Variants in LRRC31 observed in about 807,000 individuals in gnomAD.
The protein encoded by LRRC31 is leucine-rich repeat-containing protein 31.
In LRRC31, 35 loss-of-function variants were observed where a neutral mutation model predicts 46.7. The ratio of observed to expected loss-of-function variants is 0.75; its 90% CI spans 0.57 to 0.99. The LOEUF (loss-of-function observed/expected upper bound fraction) is 0.99. Among genes scored for constraint, LRRC31 ranks in the 50% least tolerant of loss-of-function variants. The probability of loss-of-function intolerance (pLI) is 0.00; values close to 1 mark genes in which losing one functional copy is unlikely to be tolerated. For synonymous variants in LRRC31, 236 were observed against 235.1 expected, an observed-to-expected ratio of 1.00 and a Z score of -0.03; for missense variants, 613 against 626.1, an observed-to-expected ratio of 0.98 and a Z score of 0.22.
chr3:169,864,060 T>C (rs1425339819), intron 1 of LRRC31, among the ~76,000 whole-genome samples: 1 of 152,068 alleles, frequency 6.6e-6, no homozygotes. Flanking sequence ...TTTCTCTGCA[T>C]TGCATCTTAT....
chr3:169,861,903 C>T (rs1416328688), intron 1 of LRRC31, 90 bp from the exon 2 acceptor site: 2 of 1,338,880 alleles, frequency 1.5e-6, no homozygotes, highest in Non-Finnish European at 2.1e-6. Context: ...GAAAAGACTG[C>T]ATAACTCTGA....
intron 6 of LRRC31, among the ~76,000 whole-genome samples, chr3:169,854,022 T>C (rs6789970): frequency 0.28 from 43,365 of 152,224 alleles, 6,778 homozygotes; most frequent in East Asian, 0.63. Flanking sequence ...GGCCAGAGCA[T>C]GCCTGGCGTG....
At chr3:169,869,612 C>A in intron 1 of LRRC31, 21 bp downstream of exon 1, 1 of 1,547,736 alleles carries the variant, frequency 6.5e-7, no homozygotes, top group Non-Finnish European at 8.7e-7. Context: ...ACAGCAAAAA[C>A]ACCAGCAGCC....
At chr3:169,863,007 C>T (rs1218130675) in intron 1 of LRRC31, among the ~76,000 whole-genome samples, 2 of 151,764 alleles carry the variant, frequency 1.3e-5, no homozygotes, top group Non-Finnish European at 2.9e-5. Context: ...CTCAGCCTCC[C>T]GAGTAGCTGG....
chr3:169,840,083 T>C lies in LRRC31; in HGVS notation c.1558A>G (p.Met520Val). ...TKLPQITEIG[M>V]KRWILPASQE... is the part of the protein sequence containing the mutation. ...GAAGCTGGGAGAATCCATCTTTTCATTCCTATCTCAGTGATCTGAGGAAGC... is the reference window on the plus strand; with the variant it reads ...GAAGCTGGGAGAATCCATCTTTTCACTCCTATCTCAGTGATCTGAGGAAGC... Residue 520 changes from methionine (M) to valine (V), a missense_variant, in exon 9 of 9, where the codon ATG becomes GTG. By Grantham distance (21) the Met-to-Val change is conservative. Coordinates refer to ENST00000316428, the MANE Select transcript of LRRC31 (RefSeq NM_024727.4). 8.7e-6 allele frequency: 14 copies of C among 1,614,166 alleles called. No homozygotes were observed. The highest frequency in any genetic ancestry group is 1.2e-5 in the Non-Finnish European group (14 of 1,180,012).
chr3:169,868,896 G>A (rs1203463674), intron 1 of LRRC31, among the ~76,000 whole-genome samples: 1 of 152,060 alleles, frequency 6.6e-6, no homozygotes, highest in African/African-American at 2.4e-5. Context: ...AGGCTGGGAA[G>A]GGTGTGTGTG....
chr3:169,854,953 A>T lies in LRRC31; in HGVS notation c.851T>A (p.Leu284Gln), dbSNP rs1400389085. The change falls in exon 6 of 9, where the codon CTG becomes CAG. Residue 284 changes from leucine to glutamine, a missense_variant. Leu to Gln is a moderately radical substitution (Grantham distance 113). Transcript: ENST00000316428. ...ATTGCAGGAAAGATCTAATTTCCTC[A>T]GCTCACCCAAATACCTAAAAGCAGC... ...LDAAFRYLGE[L>Q]RKLDLSCNKD... 4 of 1,611,328 alleles carry T rather than the reference A, an allele frequency of 2.5e-6. No homozygotes were observed. The South Asian group carries it at 4.4e-5, about 18-fold the overall frequency.
At chr3:169,856,285 T>C in intron 5 of LRRC31, 51 bp downstream of exon 5, 1 of 1,092,434 alleles carries the variant, frequency 9.2e-7, no homozygotes, top group Non-Finnish European at 1.2e-6. Flanking sequence ...TTTATATGTA[T>C]ATCATATATA....
intron 1 of LRRC31, among the ~76,000 whole-genome samples, chr3:169,862,621 C>T (rs1366818931): frequency 3.3e-5 from 5 of 151,936 alleles, no homozygotes; most frequent in Admixed American, 6.6e-5. Context: ...ATTAGCCGGG[C>T]GTGGTGGTGC....
chr3:169,865,496 C>A (rs1781304074), intron 1 of LRRC31, among the ~76,000 whole-genome samples: 1 of 152,172 alleles, frequency 6.6e-6, no homozygotes, highest in African/African-American at 2.4e-5. Context: ...TCCTTTCCGA[C>A]TGAAATCTGT....
chr3:169,866,204 G>A (rs1005254545), intron 1 of LRRC31, among the ~76,000 whole-genome samples: 5 of 152,182 alleles, frequency 3.3e-5, no homozygotes, highest in Non-Finnish European at 7.3e-5. Context: ...AAGACTGGAA[G>A]CAGAGAAACC....
Position 169,839,561 on chromosome 3 carries a change from A to G in LRRC31, c.*421T>C, listed in dbSNP as rs1780383729. 2 of 152,078 alleles carry G rather than the reference A, an allele frequency of 1.3e-5. No individual in the cohort carries two copies. Among genetic ancestry groups the G allele is most frequent in the Non-Finnish European group, 1.5e-5 (1 of 68,008 alleles). 9.4% of individuals were successfully genotyped at this position (152,078 alleles called of 1,614,324 possible). On this transcript the variant is annotated 3_prime_UTR_variant, in exon 9 of 9. Coordinates refer to ENST00000316428, the MANE Select transcript of LRRC31 (RefSeq NM_024727.4). ...ACACATACCCCTTTATATTTAGAAC[A>G]TTTAACTTGTAGGAAAAGAAGAGGC... is the stretch of plus-strand genomic sequence containing the variant.
intron 8 of LRRC31, among the ~76,000 whole-genome samples, chr3:169,842,521 G>T (rs1920113): frequency 1 from 152,250 of 152,250 alleles, 76,125 homozygotes; most frequent in Non-Finnish European, 1. Context: ...CAGCTAATTT[G>T]TGTACTTTTA....
At chr3:169,851,868 T>C in intron 6 of LRRC31, 82 bp from the exon 7 acceptor site, 1 of 1,416,256 alleles carries the variant, frequency 7.1e-7, no homozygotes, top group Non-Finnish European at 9.9e-7. Flanking sequence ...ACAATCTGTT[T>C]AATCTGTCAG....
At position 169,853,498 on chromosome 3, in the gene LRRC31, A is replaced by G. The variant is rs1216516289; in HGVS notation, c.991+1315T>C. On this transcript the variant is annotated intron_variant, in intron 6 of 8. Coordinates refer to ENST00000316428, the MANE Select transcript of LRRC31 (RefSeq NM_024727.4). ...GTGGGAACAATTGAGGTTCTCCAGCACTGAGGAGCAAAATGAGATGTGGTA... is the reference window on the plus strand; with the variant it reads ...GTGGGAACAATTGAGGTTCTCCAGCGCTGAGGAGCAAAATGAGATGTGGTA... The G allele has an allele frequency of 8.1e-6, 8 of 985,616 alleles. No individual in the cohort carries two copies. The Middle Eastern group carries it at 2.1e-3, about 255-fold the overall frequency. 61.1% of individuals were successfully genotyped at this position (985,616 alleles called of 1,614,324 possible). A position where few individuals can be genotyped will look rare whatever the true frequency, so the allele number is the denominator to read the frequency against.
Position 169,856,753 on chromosome 3 carries a change from T to C in LRRC31, c.607A>G (p.Ile203Val), listed in dbSNP as rs777770379. Residue 203 changes from isoleucine (I) to valine (V), a missense_variant, in exon 4 of 9, where the codon ATT (isoleucine) becomes GTT (valine). Coordinates refer to ENST00000316428, the MANE Select transcript of LRRC31 (RefSeq NM_024727.4). Reference protein sequence around the residue: ...KFQKGSKIQMIELVDCSLTSE... With the variant: ...KFQKGSKIQMVELVDCSLTSE... Reference sequence around the variant, plus strand: ...GTGAGGGAGCAATCCACAAGCTCAATCATTTGTATCTTGCTCCCTTTTTGG... The same window carrying C: ...GTGAGGGAGCAATCCACAAGCTCAACCATTTGTATCTTGCTCCCTTTTTGG... 1.9e-6 allele frequency: 3 copies of C among 1,607,084 alleles called. No individual in the cohort carries two copies. Among genetic ancestry groups the C allele is most frequent in the Non-Finnish European group, 2.5e-6 (3 of 1,176,730 alleles).
intron 5 of LRRC31, among the ~76,000 whole-genome samples, chr3:169,855,673 G>A (rs1040167626): frequency 3.3e-5 from 5 of 152,108 alleles, no homozygotes; most frequent in Admixed American, 6.5e-5. Context: ...CATCGAAGCC[G>A]TTCTTTTTAT....
intron 1 of LRRC31, among the ~76,000 whole-genome samples, chr3:169,867,807 A>T (rs982409019): frequency 6.6e-6 from 1 of 152,220 alleles, no homozygotes; most frequent in African/African-American, 2.4e-5. Context: ...CTTTAGAGAG[A>T]GATTTGACAA....
intron 6 of LRRC31, 119 bp from the exon 7 acceptor site, chr3:169,851,905 C>G: frequency 1.0e-6 from 1 of 992,572 alleles, no homozygotes; most frequent in Non-Finnish European, 1.5e-6. Context: ...CACCCCGGCC[C>G]TCCCTCCTTT....
Sources: gnomAD v4.1 joint callset for allele counts (sites outside exome capture counted in the v4.1 genomes callset) on GRCh38, gnomAD v4.1.1 for gene constraint, MANE v1.5 for transcripts, NCBI Gene and HGNC (gene_info 2026-07-23, HGNC 2026-07-21) for gene names.